Variants in CDH13 observed in about 807,000 individuals in gnomAD.
CDH13 encodes cadherin-13.
CDH13 carries 24 observed loss-of-function variants against 63.8 expected under a neutral mutation model. The observed-to-expected ratio is 0.38, with a 90% CI of 0.27 to 0.53. The LOEUF is 0.53. Among genes scored for constraint, CDH13 ranks in the 20% least tolerant of loss-of-function variants. The pLI is 0.85. For missense variants in CDH13, 1,049 were observed against 903.1 expected (o/e 1.16, Z -2.07); for synonymous variants, 503 against 355.3 (o/e 1.42, Z -4.67).
At chr16:83,267,323 G>C (rs77430943) in intron 5 of CDH13, among the ~76,000 whole-genome samples, 15,447 of 152,134 alleles carry the variant, frequency 0.1, 1,098 homozygotes, top group Non-Finnish European at 0.15. Flanking sequence ...TTATCATTCA[G>C]AGCCCGGCTG....
intron 3 of CDH13, among the ~76,000 whole-genome samples, chr16:83,033,636 A>G (rs190832659): frequency 4.0e-4 from 61 of 152,306 alleles, no homozygotes; most frequent in African/African-American, 1.3e-3. Context: ...AGGCACATGC[A>G]TGCAGATCCC....
At chr16:82,688,259 C>CA (rs1171351999) in intron 1 of CDH13, among the ~76,000 whole-genome samples, 10 of 152,152 alleles carry the variant, frequency 6.6e-5, no homozygotes, top group Non-Finnish European at 1.0e-4. Context: ...TGCTGGGCTC[C>CA]ATGTGTATCT....
At chr16:83,014,713 A>G (rs1346805012) in intron 2 of CDH13, among the ~76,000 whole-genome samples, 2 of 140,724 alleles carry the variant, frequency 1.4e-5, no homozygotes, top group Admixed American at 7.3e-5. Context: ...CTTGGGCAAC[A>G]GAGGGAGACT....
chr16:83,486,416 G>A (rs2073891278), intron 6 of CDH13, 61 bp from the exon 7 acceptor site: 1 of 1,472,898 alleles, frequency 6.8e-7, no homozygotes, highest in South Asian at 1.2e-5. Flanking sequence ...GTGGGGAAGG[G>A]GCTCTGGCCG....
intron 1 of CDH13, among the ~76,000 whole-genome samples, chr16:82,741,129 C>T (rs1293145915): frequency 6.6e-6 from 1 of 152,168 alleles, no homozygotes. Context: ...ACTTTCACAA[C>T]CCAAAACTTG....
intron 10 of CDH13, among the ~76,000 whole-genome samples, chr16:83,745,925 C>G (rs1912537345): frequency 6.6e-6 from 1 of 152,170 alleles, no homozygotes; most frequent in Non-Finnish European, 1.5e-5. Context: ...ACCACCCACC[C>G]TGAGTCACTA....
chr16:83,086,595 A>T (rs1364826604), intron 3 of CDH13, among the ~76,000 whole-genome samples: 1 of 152,188 alleles, frequency 6.6e-6, no homozygotes, highest in Non-Finnish European at 1.5e-5. Flanking sequence ...ATAACTTTCA[A>T]AGCAAGATAT....
chr16:82,676,453 T>C (rs1191124036), intron 1 of CDH13, among the ~76,000 whole-genome samples: 1 of 151,678 alleles, frequency 6.6e-6, no homozygotes, highest in Middle Eastern at 3.2e-3. Flanking sequence ...TCCCTCTCCA[T>C]TGCCAGTATC....
chr16:83,672,572 A>T (rs889737609), intron 9 of CDH13, among the ~76,000 whole-genome samples: 1 of 151,322 alleles, frequency 6.6e-6, no homozygotes, highest in Non-Finnish European at 1.5e-5. Context: ...TTACAGGTGC[A>T]TGCCACCACA....
chr16:83,385,673 C>A (rs1327340350), intron 6 of CDH13, among the ~76,000 whole-genome samples: 1 of 152,158 alleles, frequency 6.6e-6, no homozygotes, highest in Middle Eastern at 3.2e-3. Flanking sequence ...TGAAACTCAT[C>A]ACATCTGTTT....
chr16:82,676,986 C>T (rs188871958), intron 1 of CDH13, among the ~76,000 whole-genome samples: 23 of 152,248 alleles, frequency 1.5e-4, no homozygotes, highest in Admixed American at 8.5e-4. Context: ...CAGGTTCAAG[C>T]GATTCTCCTG....
At chr16:83,319,534 G>A (rs994296614) in intron 5 of CDH13, among the ~76,000 whole-genome samples, 10 of 152,284 alleles carry the variant, frequency 6.6e-5, no homozygotes, top group Admixed American at 4.6e-4. Context: ...AGTAAATCAC[G>A]ACTTTACGAT....
chr16:83,372,749 T>TCAAAAAAAA (rs1555537364), intron 6 of CDH13, among the ~76,000 whole-genome samples: 1 of 95,574 alleles, frequency 1.0e-5, no homozygotes, highest in African/African-American at 4.2e-5. Context: ...AGACTCGGTC[T>TCAAAAAAAA]AAAAAAAAAA....
chr16:83,111,480 C>T (rs184124947), intron 3 of CDH13, among the ~76,000 whole-genome samples: 1 of 152,156 alleles, frequency 6.6e-6, no homozygotes, highest in Non-Finnish European at 1.5e-5. Context: ...CATGATGTGT[C>T]TGAGGATTTG....
rs560667038 is a variant in CDH13, at chr16:83,393,255, GT to G, written c.781+48254del. 4.9e-3 allele frequency among the ~76,000 whole-genome samples: 744 copies of G among 152,234 alleles called. 8 individuals carry two copies. The highest frequency in any genetic ancestry group is 0.017 in the African/African-American group (691 of 41,534). On this transcript the variant is annotated intron_variant, in intron 6 of 13. Transcript: ENST00000567109. ...GGCAGAGGCATTTGGCTCTGCACTG[GT>G]TTTTATGGTGTGGGAAAGGAAGCAT... is the stretch of plus-strand genomic sequence containing the variant.
intron 1 of CDH13, among the ~76,000 whole-genome samples, chr16:82,841,341 G>A (rs775617476): frequency 6.6e-6 from 1 of 152,196 alleles, no homozygotes; most frequent in Non-Finnish European, 1.5e-5. Flanking sequence ...TGTGGCTGGT[G>A]TTTAACTATC....
chr16:83,526,688 CCACTGTTTAAA>C (rs1358799927), intron 7 of CDH13, among the ~76,000 whole-genome samples: 1 of 152,218 alleles, frequency 6.6e-6, no homozygotes, highest in Non-Finnish European at 1.5e-5. Flanking sequence ...AAATTTGCTG[CCACTGTTTAAA>C]CACTGACTCT....
chr16:83,094,925 TTGA>T (rs2034119625), intron 3 of CDH13, among the ~76,000 whole-genome samples: 1 of 152,194 alleles, frequency 6.6e-6, no homozygotes, highest in Non-Finnish European at 1.5e-5. Flanking sequence ...GAAAACCGGT[TTGA>T]TGATGATCAT....
At chr16:83,792,906 A>G (rs901618917) in intron 13 of CDH13, among the ~76,000 whole-genome samples, 10 of 152,326 alleles carry the variant, frequency 6.6e-5, no homozygotes, top group South Asian at 6.2e-4. Context: ...AATGAAACCT[A>G]ATCATTGTAA....
Sources: allele counts gnomAD v4.1 joint callset (sites outside exome capture counted in the v4.1 genomes callset), GRCh38; gene constraint gnomAD v4.1.1; transcripts MANE v1.5; gene names NCBI Gene and HGNC (gene_info 2026-07-23, HGNC 2026-07-21).